PACRG: variants seen among roughly 807,000 people sequenced by gnomAD.
PACRG encodes parkin coregulated gene protein.
A neutral mutation model predicts 29.7 loss-of-function variants in PACRG; 29 were observed. The observed-to-expected ratio is 0.98, with a 90% CI of 0.73 to 1.33. PACRG has a LOEUF of 1.33. PACRG is among the 40% of genes most tolerant of loss of function. The pLI, the probability that PACRG is intolerant of heterozygous loss-of-function variation, is 0.00. For missense variants in PACRG, 279 were observed against 316.2 expected (o/e 0.88, Z 0.89); for synonymous variants, 116 against 118.7 (o/e 0.98, Z 0.15).
chr6:163,255,902 C>T (rs920038433), intron 4 of PACRG, among the ~76,000 whole-genome samples: 1 of 152,178 alleles, frequency 6.6e-6, no homozygotes, highest in African/African-American at 2.4e-5. Flanking sequence ...TCCCAAAGTG[C>T]TGGGTTTACA....
At chr6:163,304,956 G>A (rs1263387858) in intron 4 of PACRG, among the ~76,000 whole-genome samples, 3 of 152,356 alleles carry the variant, frequency 2.0e-5, no homozygotes, top group African/African-American at 7.2e-5. Flanking sequence ...AGGAGGCTTT[G>A]AAGATGGAAA....
chr6:163,089,196 A>G, intron 3 of PACRG, 63 bp from the exon 4 acceptor site: 1 of 1,531,990 alleles, frequency 6.5e-7, no homozygotes, highest in Admixed American at 1.8e-5. Context: ...CTTTACCTTA[A>G]CCTTGTAGAC....
At chr6:162,771,971 A>G (rs1783255703) in intron 1 of PACRG, among the ~76,000 whole-genome samples, 1 of 152,182 alleles carries the variant, frequency 6.6e-6, no homozygotes, top group Admixed American at 6.5e-5. Context: ...CTGGGGGACC[A>G]GGAGAAGGGG....
chr6:163,251,905 C>T (rs2128172378), intron 4 of PACRG, among the ~76,000 whole-genome samples: 1 of 152,258 alleles, frequency 6.6e-6, no homozygotes, highest in Non-Finnish European at 1.5e-5. Flanking sequence ...TTAACCTTTC[C>T]ATGGTTCTTC....
chr6:162,727,597 G>A (rs1370580782), upstream of PACRG: 2 of 1,518,132 alleles, frequency 1.3e-6, no homozygotes, highest in East Asian at 4.9e-5. Context: ...GCCGAGGCGG[G>A]GCGTGGCGCC....
chr6:163,209,754 A>G (rs1158913358), intron 4 of PACRG, among the ~76,000 whole-genome samples: 2 of 152,260 alleles, frequency 1.3e-5, no homozygotes, highest in African/African-American at 4.8e-5. Context: ...CAAAGGAAAT[A>G]TCATATTGTA....
intron 2 of PACRG, among the ~76,000 whole-genome samples, chr6:163,039,958 G>C (rs1244925945): frequency 6.6e-6 from 1 of 152,236 alleles, no homozygotes; most frequent in African/African-American, 2.4e-5. Flanking sequence ...TAAGTAATGA[G>C]ATGCCAAATG....
intron 2 of PACRG, among the ~76,000 whole-genome samples, chr6:162,953,063 T>A (rs1169862869): frequency 6.6e-6 from 1 of 152,222 alleles, no homozygotes; most frequent in Non-Finnish European, 1.5e-5. Flanking sequence ...TATTTAGCTA[T>A]TTTTTAAATA....
intron 2 of PACRG, among the ~76,000 whole-genome samples, chr6:162,985,167 A>C (rs1802778535): frequency 6.6e-6 from 1 of 152,118 alleles, no homozygotes; most frequent in Admixed American, 6.6e-5. Flanking sequence ...ACTATTCCAA[A>C]AGATAGAGAA....
chr6:163,141,183 C>T (rs1315079212), intron 4 of PACRG, among the ~76,000 whole-genome samples: 3 of 151,950 alleles, frequency 2.0e-5, no homozygotes, highest in Admixed American at 6.6e-5. Context: ...TGAGAAAAAA[C>T]AAAAGCAACT....
intron 1 of PACRG, among the ~76,000 whole-genome samples, chr6:162,762,760 A>C: frequency 6.6e-6 from 1 of 152,216 alleles, no homozygotes; most frequent in Non-Finnish European, 1.5e-5. Context: ...TACATATAGA[A>C]CACTGACTAA....
At chr6:162,762,817 A>T (rs796186938) in intron 1 of PACRG, among the ~76,000 whole-genome samples, 5 of 152,296 alleles carry the variant, frequency 3.3e-5, no homozygotes, top group African/African-American at 1.2e-4. Context: ...AGCTCTATTG[A>T]TTTGATTATA....
At chr6:162,796,124 G>A (rs1436150465) in intron 1 of PACRG, among the ~76,000 whole-genome samples, 6 of 152,042 alleles carry the variant, frequency 3.9e-5, no homozygotes, top group African/African-American at 1.5e-4. Context: ...ATGTTAAATA[G>A]TACAGCAATA....
At chr6:162,904,563 G>C (rs1382076098) in intron 2 of PACRG, among the ~76,000 whole-genome samples, 4 of 152,178 alleles carry the variant, frequency 2.6e-5, no homozygotes, top group Admixed American at 6.5e-5. Context: ...GAGCAACTAA[G>C]ACTCTTGATG....
In PACRG at chr6:162,859,705, A is replaced by C. The variant is rs11964312; in HGVS notation, c.291+45424A>C. On this transcript the variant is annotated intron_variant, in intron 2 of 4. Coordinates refer to ENST00000366888, the MANE Select transcript of PACRG (RefSeq NM_001080379.2). ...TGCCCTGAACAGAAAGGCCAAGAAG[A>C]AGCTAAACAAATAAGCCTTGCAGAG... Among the ~76,000 whole-genome samples, 1,500 of 152,324 alleles carry C rather than the reference A, an allele frequency of 9.8e-3. 16 individuals are homozygous for C. Among genetic ancestry groups the C allele is most frequent in the African/African-American group, 0.034 (1,427 of 41,572 alleles).
chr6:162,849,471 C>A (rs958212519), intron 2 of PACRG, among the ~76,000 whole-genome samples: 4 of 152,272 alleles, frequency 2.6e-5, no homozygotes, highest in African/African-American at 9.6e-5. Context: ...GCAGGCTGAC[C>A]AATTGCCAAA....
intron 2 of PACRG, among the ~76,000 whole-genome samples, chr6:162,883,921 A>C (rs1794116409): frequency 7.3e-6 from 1 of 137,346 alleles, no homozygotes; most frequent in Admixed American, 7.3e-5. Flanking sequence ...ATATGCATTC[A>C]TAACATATTT....
At chr6:162,875,259 GCACACACAGTCATC>G (rs1199789406) in intron 2 of PACRG, among the ~76,000 whole-genome samples, 11 of 138,598 alleles carry the variant, frequency 7.9e-5, no homozygotes, top group Admixed American at 7.1e-4. Context: ...ACACAGACAT[GCACACACAGTCATC>G]CACACACATT....
intron 2 of PACRG, among the ~76,000 whole-genome samples, chr6:162,822,904 T>C (rs562243487): frequency 1.5e-3 from 232 of 152,230 alleles, no homozygotes; most frequent in African/African-American, 5.1e-3. Context: ...TTATAACATA[T>C]ATGTATATGT....
Sources: allele counts gnomAD v4.1 joint callset (sites outside exome capture counted in the v4.1 genomes callset), GRCh38; gene constraint gnomAD v4.1.1; transcripts MANE v1.5; gene names NCBI Gene and HGNC (gene_info 2026-07-23, HGNC 2026-07-21).